The following SLC5A5 variants were observed in gnomAD, a reference collection of about 807,000 sequenced individuals.
The protein encoded by SLC5A5 is solute carrier family 5 member 5, also known as sodium/iodide cotransporter.
In SLC5A5, 56 loss-of-function variants were observed where a neutral mutation model predicts 68.6. That is an observed-to-expected ratio of 0.82 (90% CI 0.66 to 1.02). SLC5A5 has a LOEUF of 1.02. Among genes scored for constraint, SLC5A5 ranks in the 50% least tolerant of loss-of-function variants. The pLI is 0.00. For missense variants in SLC5A5, 807 were observed against 859.8 expected, an observed-to-expected ratio of 0.94 and a Z score of 0.77; for synonymous variants, 398 against 373.0, an observed-to-expected ratio of 1.07 and a Z score of -0.77.
chr19:17,873,365 A>T (rs1311405364), intron 1 of SLC5A5, among the ~76,000 whole-genome samples: 1 of 151,352 alleles, frequency 6.6e-6, no homozygotes, highest in African/African-American at 2.4e-5. Flanking sequence ...GGAGGCTAAG[A>T]CAGGAGAATT....
intron 5 of SLC5A5, among the ~76,000 whole-genome samples, chr19:17,877,374 A>G (rs1389957034): frequency 6.6e-6 from 1 of 150,614 alleles, no homozygotes; most frequent in Non-Finnish European, 1.5e-5. Context: ...CAATGGCACG[A>G]TCTCAGCTCA....
At chr19:17,872,736 G>C (rs552272640) in intron 1 of SLC5A5, 60 bp downstream of exon 1, 4 of 1,118,064 alleles carry the variant, frequency 3.6e-6, no homozygotes, top group Non-Finnish European at 5.4e-6. Context: ...GACCCCGTGT[G>C]GGGGAGGCGC....
intron 14 of SLC5A5, among the ~76,000 whole-genome samples, chr19:17,893,146 G>A (rs150180585): frequency 8.6e-4 from 126 of 147,064 alleles, no homozygotes; most frequent in African/African-American, 3.1e-3. Flanking sequence ...TATTGCCCAG[G>A]CTGGAGTGTA....
chr19:17,887,027 G>A (rs1200156090), intron 12 of SLC5A5, among the ~76,000 whole-genome samples: 1 of 152,040 alleles, frequency 6.6e-6, no homozygotes, highest in African/African-American at 2.4e-5. Context: ...AGTGAAGCAT[G>A]ATCCCACCAC....
In SLC5A5 at chr19:17,873,893, C is replaced by G. The variant is rs529826590; in HGVS notation, c.358-245C>G. Among the ~76,000 whole-genome samples the G allele has an allele frequency of 6.7e-3, 1,027 of 152,370 alleles. 11 individuals carry two copies. The highest frequency in any genetic ancestry group is 0.012 in the South Asian group (60 of 4,832). On this transcript the variant is annotated intron_variant, in intron 1 of 14. Coordinates refer to ENST00000222248, the MANE Select transcript of SLC5A5 (RefSeq NM_000453.3). ...GGCTGCTCCAGGAGCCCGCGCCCGT[C>G]AGGCGCAAGTGGGAGGGCGCGTGCA...
At chr19:17,878,933 C>CCATTGCACT (rs200308588) in intron 7 of SLC5A5, among the ~76,000 whole-genome samples, 5,537 of 141,146 alleles carry the variant, frequency 0.039, 182 homozygotes, top group Non-Finnish European at 0.061. Context: ...AGAGATCGCG[C>CCATTGCACT]CATTGCACTC....
Position 17,877,631 on chromosome 19 carries a change from C to T in SLC5A5, c.699-92C>T, listed in dbSNP as rs1019797157. On this transcript the variant is annotated intron_variant, in intron 5 of 14. Coordinates refer to ENST00000222248, the MANE Select transcript of SLC5A5 (RefSeq NM_000453.3). Reference sequence around the variant, plus strand: ...CCAACAAAACCCACTCCAAATGTCCCCTATAAGGTCCAGAAGCGCTGTCTG... The same window carrying T: ...CCAACAAAACCCACTCCAAATGTCCTCTATAAGGTCCAGAAGCGCTGTCTG... 2.7e-6 allele frequency: 4 copies of T among 1,508,616 alleles called. No homozygotes were observed. In the African/African-American group the frequency reaches 4.1e-5, roughly 16 times the overall value. 93.5% of individuals were successfully genotyped at this position (1,508,616 alleles called of 1,614,324 possible).
chr19:17,885,202 G>T (rs1267926352), intron 12 of SLC5A5, among the ~76,000 whole-genome samples: 1 of 151,702 alleles, frequency 6.6e-6, no homozygotes, highest in Non-Finnish European at 1.5e-5. Flanking sequence ...GTAGAGACAG[G>T]GTCTGGCTAT....
chr19:17,887,628 C>T (rs1237347297), intron 12 of SLC5A5, among the ~76,000 whole-genome samples: 5 of 122,682 alleles, frequency 4.1e-5, no homozygotes, highest in South Asian at 2.6e-4. Context: ...GATGGAGTCT[C>T]GCTCTGTTGC....
At chr19:17,888,703 G>C (rs2030029963) in intron 13 of SLC5A5, among the ~76,000 whole-genome samples, 1 of 151,390 alleles carries the variant, frequency 6.6e-6, no homozygotes, top group Non-Finnish European at 1.5e-5. Flanking sequence ...TGTGATCTCA[G>C]TTCATTGCAA....
Position 17,894,125 on chromosome 19 carries a change from C to A in SLC5A5, c.*248C>A. On this transcript the variant is annotated 3_prime_UTR_variant, in exon 15 of 15. Coordinates refer to ENST00000222248, the MANE Select transcript of SLC5A5 (RefSeq NM_000453.3). ...CCCTGACGGCTCCCCCCAAATAAGG[C>A]TGGGTTTTTCTCTCTCTCTTTTTTT... 2 of 463,936 alleles carry A rather than the reference C, an allele frequency of 4.3e-6. No homozygotes were observed. The highest frequency in any genetic ancestry group is 3.8e-6 in the Non-Finnish European group (1 of 260,194). 28.7% of individuals were successfully genotyped at this position (463,936 alleles called of 1,614,324 possible). A position where few individuals can be genotyped will look rare whatever the true frequency, so the allele number is the denominator to read the frequency against.
chr19:17,888,941 GA>G (rs1279549554), intron 13 of SLC5A5, among the ~76,000 whole-genome samples: 4 of 147,514 alleles, frequency 2.7e-5, no homozygotes, highest in South Asian at 2.1e-4. Context: ...TTTTTAAAAG[GA>G]AAAAAAAAGT....
intron 12 of SLC5A5, among the ~76,000 whole-genome samples, chr19:17,884,827 C>G (rs1249959017): frequency 2.0e-5 from 3 of 151,498 alleles, no homozygotes; most frequent in Non-Finnish European, 4.4e-5. Context: ...TCACCACTAT[C>G]TAAGTCAAGA....
At chr19:17,887,316 A>T (rs1463641106) in intron 12 of SLC5A5, among the ~76,000 whole-genome samples, 9 of 151,952 alleles carry the variant, frequency 5.9e-5, no homozygotes. Context: ...TGGTGGGCGG[A>T]TGGAGTCTAA....
At chr19:17,879,406 T>G (rs1335025377) in intron 7 of SLC5A5, among the ~76,000 whole-genome samples, 6 of 152,222 alleles carry the variant, frequency 3.9e-5, no homozygotes, top group Non-Finnish European at 8.8e-5. Context: ...TGGTCTCCCA[T>G]GTCCCAAGCG....
At chr19:17,881,599 C>T (rs2094320838) in intron 8 of SLC5A5, among the ~76,000 whole-genome samples, 1 of 152,194 alleles carries the variant, frequency 6.6e-6, no homozygotes, top group African/African-American at 2.4e-5. Context: ...TGGGGCACAG[C>T]CATGACCAAG....
Position 17,876,059 on chromosome 19 carries a change from C to A in SLC5A5, c.651C>A (p.Arg217=), listed in dbSNP as rs1599912327. The change falls in exon 5 of 15, where the codon CGC becomes CGA. Residue 217 remains arginine, a synonymous_variant. Coordinates refer to ENST00000222248, the MANE Select transcript of SLC5A5 (RefSeq NM_000453.3). ...ARGVMLVGGP[R]QVLTLAQNHS... is the part of the protein sequence containing the mutation. ...GTGTCATGCTTGTGGGCGGGCCCCG[C>A]CAGGTGCTCACGCTGGCCCAGAACC... 6.2e-7 allele frequency: 1 copy of A among 1,614,202 alleles called. No homozygotes were observed. The highest frequency in any genetic ancestry group is 8.5e-7 in the Non-Finnish European group (1 of 1,180,048).
chr19:17,874,475 C>T lies in SLC5A5; in HGVS notation c.424-19C>T, dbSNP rs376756986. On this transcript the variant is annotated intron_variant, in intron 2 of 14. Transcript: ENST00000222248. Reference sequence around the variant, plus strand: ...CCCAGACGCCCTCCCTGCTCACCCGCCCCACACTCTGTCTACAGATGCTGT... The same window carrying T: ...CCCAGACGCCCTCCCTGCTCACCCGTCCCACACTCTGTCTACAGATGCTGT... The T allele has an allele frequency of 6.2e-7, 1 of 1,613,786 alleles. No individual in the cohort carries two copies.
rs372754290 is a variant in SLC5A5, at chr19:17,881,943, C to T, written c.1059-17C>T. The T allele has an allele frequency of 2.5e-6, 4 of 1,596,786 alleles. No individual in the cohort carries two copies. In the African/African-American group the frequency reaches 5.4e-5, roughly 21 times the overall value. On this transcript the variant is annotated splice_polypyrimidine_tract_variant and intron_variant, in intron 8 of 14. Coordinates refer to ENST00000222248, the MANE Select transcript of SLC5A5 (RefSeq NM_000453.3). Reference sequence around the variant, plus strand: ...CTCCATATGGCCTGAGGACCCCCCGCTGCCTTCCTCACACAGCACAGCATC... The same window carrying T: ...CTCCATATGGCCTGAGGACCCCCCGTTGCCTTCCTCACACAGCACAGCATC...
Sources: allele counts gnomAD v4.1 joint callset (sites outside exome capture counted in the v4.1 genomes callset), GRCh38; gene constraint gnomAD v4.1.1; transcripts MANE v1.5; gene names NCBI Gene and HGNC (gene_info 2026-07-23, HGNC 2026-07-21).